GSE1: variants seen among roughly 807,000 people sequenced by gnomAD.
The protein encoded by GSE1 is genetic suppressor element 1.
Under a neutral mutation model 112.6 loss-of-function variants are expected in GSE1, and 32 were observed. The observed-to-expected ratio is 0.28, with a 90% confidence interval of 0.21 to 0.38. The LOEUF (loss-of-function observed/expected upper bound fraction) is 0.38. GSE1 is among the 10% of genes least tolerant of loss of function. The pLI is 1.00. For missense variants in GSE1, 2,348 were observed against 1,699.2 expected, an observed-to-expected ratio of 1.38 and a Z score of -6.71; for synonymous variants, 1,115 against 735.6, an observed-to-expected ratio of 1.52 and a Z score of -8.35.
Position 85,480,487 on chromosome 16 carries a change from C to A in GSE1, c.2464+122844C>A, listed in dbSNP as rs191598321. ...CACCCTGTTTCTGAGCCCTCTTGGG[C>A]CTCGACACTCCTGTGACTGCAGCTG... On this transcript the variant is annotated intron_variant, in intron 2 of 2. Coordinates refer to the GSE1 transcript ENST00000637419. 2.0e-3 allele frequency among the ~76,000 whole-genome samples: 305 copies of A among 152,334 alleles called. 2 individuals carry two copies. Among genetic ancestry groups the A allele is most frequent in the African/African-American group, 7.1e-3 (297 of 41,578 alleles).
At chr16:85,528,801 A>G (rs998147438) in intron 2 of GSE1, among the ~76,000 whole-genome samples, 3 of 152,166 alleles carry the variant, frequency 2.0e-5, no homozygotes, top group Admixed American at 1.3e-4. Context: ...TTGTTCCAAC[A>G]TGATTATTGA....
At chr16:85,381,479 G>C (rs1198547212) in intron 2 of GSE1, among the ~76,000 whole-genome samples, 1 of 152,184 alleles carries the variant, frequency 6.6e-6, no homozygotes, top group African/African-American at 2.4e-5. Context: ...TCTCCACAGA[G>C]GGGATCTGAT....
intron 1 of GSE1, among the ~76,000 whole-genome samples, chr16:85,346,922 A>G (rs2046755054): frequency 6.6e-6 from 1 of 150,648 alleles, no homozygotes; most frequent in Non-Finnish European, 1.5e-5. Flanking sequence ...GATGGTGAAC[A>G]GGTGGGTGGA....
At chr16:85,614,163 G>A (rs998348885) in intron 1 of GSE1, among the ~76,000 whole-genome samples, 4 of 118,672 alleles carry the variant, frequency 3.4e-5, no homozygotes, top group Non-Finnish European at 6.9e-5. Flanking sequence ...CCCCCCACCC[G>A]CACTGGCCTT....
chr16:85,521,814 C>A (rs2052195598), intron 2 of GSE1, among the ~76,000 whole-genome samples: 1 of 152,232 alleles, frequency 6.6e-6, no homozygotes, highest in South Asian at 2.1e-4. Context: ...CCCATAAAAT[C>A]CGGAGCGCGC....
At chr16:85,258,891 C>T (rs567775504) in intron 1 of GSE1, among the ~76,000 whole-genome samples, 28 of 152,336 alleles carry the variant, frequency 1.8e-4, no homozygotes, top group African/African-American at 5.3e-4. Context: ...AACCTCCCCC[C>T]GCCAGCTGCC....
chr16:85,459,496 C>T (rs2049917788), intron 2 of GSE1, among the ~76,000 whole-genome samples: 1 of 152,350 alleles, frequency 6.6e-6, no homozygotes, highest in Non-Finnish European at 1.5e-5. Context: ...TGGCTCCCAT[C>T]ACCATCCCAT....
At chr16:85,618,471 C>G (rs116814052) in intron 1 of GSE1, among the ~76,000 whole-genome samples, 2 of 152,254 alleles carry the variant, frequency 1.3e-5, no homozygotes, top group East Asian at 3.9e-4. Flanking sequence ...TCTGACTGTT[C>G]GTATCTGCCT....
At chr16:85,253,052 G>GCCCCCACC (rs1567640673) in intron 1 of GSE1, among the ~76,000 whole-genome samples, 1 of 52,432 alleles carries the variant, frequency 1.9e-5, no homozygotes, top group Non-Finnish European at 3.4e-5. Context: ...GCTCATAGGC[G>GCCCCCACC]CCCCCGCCCC....
intron 2 of GSE1, among the ~76,000 whole-genome samples, chr16:85,416,028 A>C (rs2048695599): frequency 6.6e-6 from 1 of 152,160 alleles, no homozygotes; most frequent in Non-Finnish European, 1.5e-5. Flanking sequence ...AGGAGAATGC[A>C]GCTTTTGCAA....
intron 1 of GSE1, among the ~76,000 whole-genome samples, chr16:85,200,774 C>T (rs538975848): frequency 1.7e-4 from 26 of 152,328 alleles, no homozygotes; most frequent in Non-Finnish European, 3.2e-4. Context: ...GCTATTTTTA[C>T]GTGTACAGTT....
intron 2 of GSE1, among the ~76,000 whole-genome samples, chr16:85,520,202 C>G (rs977565294): frequency 5.9e-5 from 9 of 152,122 alleles, no homozygotes; most frequent in Non-Finnish European, 1.3e-4. Context: ...TCGCTGTATC[C>G]TCACATGGTG....
At chr16:85,354,418 G>A (rs1029464244) in intron 1 of GSE1, among the ~76,000 whole-genome samples, 26 of 152,270 alleles carry the variant, frequency 1.7e-4, no homozygotes, top group African/African-American at 6.3e-4. Context: ...CATAGTAGGT[G>A]CTCAGTAAAA....
chr16:85,289,943 G>A (rs907721784), intron 1 of GSE1, among the ~76,000 whole-genome samples: 1 of 152,210 alleles, frequency 6.6e-6, no homozygotes, highest in African/African-American at 2.4e-5. Context: ...ATTAGATCTG[G>A]CTGGAGCCCA....
exon 1 of GSE1, chr16:85,170,646 C>A (rs1482985493): frequency 1.0e-6 from 1 of 985,448 alleles, no homozygotes; most frequent in African/African-American, 1.7e-5. Context: ...TCTGCGGGGC[C>A]CCGCTGTCCC....
chr16:85,188,551 CAGCACTTTG>C (rs1293812594), intron 1 of GSE1, among the ~76,000 whole-genome samples: 1 of 151,996 alleles, frequency 6.6e-6, no homozygotes, highest in African/African-American at 2.4e-5. Context: ...CAGTGGCTCC[CAGCACTTTG>C]GGAGGCTAAG....
chr16:85,197,987 G>A (rs2074960132), intron 1 of GSE1, among the ~76,000 whole-genome samples: 1 of 152,166 alleles, frequency 6.6e-6, no homozygotes, highest in Non-Finnish European at 1.5e-5. Context: ...CAAACCAAAT[G>A]CCAAGGAGTC....
chr16:85,277,053 T>C (rs1171026340), intron 1 of GSE1, among the ~76,000 whole-genome samples: 1 of 152,096 alleles, frequency 6.6e-6, no homozygotes, highest in African/African-American at 2.4e-5. Flanking sequence ...TCAAAGTCCC[T>C]AACAGCTGCT....
At chr16:85,310,491 C>G (rs535436624) in intron 1 of GSE1, among the ~76,000 whole-genome samples, 1 of 149,686 alleles carries the variant, frequency 6.7e-6, no homozygotes, top group South Asian at 2.1e-4. Flanking sequence ...CCCTGCCGTG[C>G]TCTTCTTCTC....
Sources: gnomAD v4.1 joint callset for allele counts (sites outside exome capture counted in the v4.1 genomes callset) on GRCh38, gnomAD v4.1.1 for gene constraint, MANE v1.5 for transcripts, NCBI Gene and HGNC (gene_info 2026-07-23, HGNC 2026-07-21) for gene names.